GRID2: variants seen among roughly 807,000 people sequenced by gnomAD.
GRID2 encodes the protein glutamate ionotropic receptor delta type subunit 2.
In GRID2, 33 loss-of-function variants were observed where a neutral mutation model predicts 114.8. That is an observed-to-expected ratio of 0.29 (90% CI 0.22 to 0.38). The LOEUF (loss-of-function observed/expected upper bound fraction) is 0.38. Ranked by LOEUF, GRID2 falls within the 10% of genes least tolerant of loss-of-function variation. The probability of loss-of-function intolerance (pLI) is 1.00; values close to 1 mark genes in which losing one functional copy is unlikely to be tolerated. For missense variants in GRID2, 1,184 were observed against 1,257.7 expected (o/e 0.94, Z 0.89); for synonymous variants, 505 against 449.9 (o/e 1.12, Z -1.55).
intron 2 of GRID2, among the ~76,000 whole-genome samples, chr4:93,067,142 G>A (rs1728364144): frequency 6.6e-6 from 1 of 152,020 alleles, no homozygotes; most frequent in African/African-American, 2.4e-5. Flanking sequence ...ACTGAATTAT[G>A]ACAAGCCTTT....
intron 1 of GRID2, among the ~76,000 whole-genome samples, chr4:92,511,876 T>C (rs908521654): frequency 4.6e-5 from 7 of 151,874 alleles, no homozygotes; most frequent in African/African-American, 7.2e-5. Context: ...TGACATTAAT[T>C]GTATTTTTGT....
At chr4:92,730,299 C>T (rs1204218829) in intron 2 of GRID2, among the ~76,000 whole-genome samples, 2 of 151,912 alleles carry the variant, frequency 1.3e-5, no homozygotes, top group Non-Finnish European at 2.9e-5. Context: ...CAATGGTGAT[C>T]TCAGCTATTT....
intron 1 of GRID2, among the ~76,000 whole-genome samples, chr4:92,518,332 A>G (rs1724608933): frequency 2.0e-5 from 3 of 151,896 alleles, no homozygotes; most frequent in Non-Finnish European, 4.4e-5. Context: ...ATATACCTGC[A>G]CCAAGATCCA....
intron 14 of GRID2, among the ~76,000 whole-genome samples, chr4:93,765,608 T>TTATATATATATATATA (rs66550272): frequency 0.013 from 368 of 29,284 alleles, 1 homozygote; most frequent in African/African-American, 0.043. Flanking sequence ...AGGTGAGGTA[T>TTATATATATATATATA]TATATATATA....
At chr4:92,599,017 A>C (rs1198096122) in intron 2 of GRID2, among the ~76,000 whole-genome samples, 1 of 149,340 alleles carries the variant, frequency 6.7e-6, no homozygotes, top group African/African-American at 2.5e-5. Flanking sequence ...ATATATAATG[A>C]AATGCTTTTC....
At chr4:92,601,735 A>G (rs1214075987) in intron 2 of GRID2, among the ~76,000 whole-genome samples, 1 of 151,820 alleles carries the variant, frequency 6.6e-6, no homozygotes, top group Non-Finnish European at 1.5e-5. Context: ...TAAATCCAGG[A>G]TTTATTATTA....
intron 14 of GRID2, among the ~76,000 whole-genome samples, chr4:93,693,563 G>C (rs564570405): frequency 4.6e-5 from 7 of 152,266 alleles, no homozygotes; most frequent in African/African-American, 1.7e-4. Flanking sequence ...GTTTTTAGGA[G>C]AAAATATGCA....
chr4:92,496,975 C>A (rs1384874764), intron 1 of GRID2, among the ~76,000 whole-genome samples: 1 of 151,508 alleles, frequency 6.6e-6, no homozygotes, highest in East Asian at 1.9e-4. Flanking sequence ...CAGAGGGAAA[C>A]AAATAGTTAA....
chr4:92,999,255 T>C (rs1755396317), intron 2 of GRID2, among the ~76,000 whole-genome samples: 1 of 151,892 alleles, frequency 6.6e-6, no homozygotes, highest in African/African-American at 2.4e-5. Flanking sequence ...CATTTGTAAT[T>C]GCACCATGTA....
intron 2 of GRID2, among the ~76,000 whole-genome samples, chr4:92,896,047 A>T (rs967238785): frequency 6.6e-6 from 1 of 152,244 alleles, no homozygotes; most frequent in Non-Finnish European, 1.5e-5. Context: ...CTAAAAATGC[A>T]CTAAAAGCAC....
At chr4:92,561,862 A>G (rs1447834545) in intron 1 of GRID2, among the ~76,000 whole-genome samples, 1 of 152,184 alleles carries the variant, frequency 6.6e-6, no homozygotes, top group Non-Finnish European at 1.5e-5. Flanking sequence ...AAACTGTCTT[A>G]TCATTATTGT....
At position 92,805,187 on chromosome 4, in the gene GRID2, C is replaced by G. The variant is rs180675326; in HGVS notation, c.244+214901C>G. Among the ~76,000 whole-genome samples, 934 of 151,988 alleles carry G rather than the reference C, an allele frequency of 6.1e-3. 11 individuals carry two copies. The highest frequency in any genetic ancestry group is 0.021 in the African/African-American group (884 of 41,512). On this transcript the variant is annotated intron_variant, in intron 2 of 15. Transcript: ENST00000282020. ...ACTACTGCAGTGCAGCTTTTTACAA[C>G]GATATCGTTATTTCTCTTTTACCAA...
At chr4:93,687,093 G>A (rs958258677) in intron 14 of GRID2, among the ~76,000 whole-genome samples, 2 of 152,020 alleles carry the variant, frequency 1.3e-5, no homozygotes, top group Admixed American at 6.6e-5. Context: ...ACAGTGAGAA[G>A]TGTTCAGAGT....
At chr4:93,136,138 A>C (rs1298796501) in intron 4 of GRID2, among the ~76,000 whole-genome samples, 1 of 151,962 alleles carries the variant, frequency 6.6e-6, no homozygotes, top group Non-Finnish European at 1.5e-5. Flanking sequence ...AGCCTTTCCA[A>C]CGTCACACCA....
intron 2 of GRID2, among the ~76,000 whole-genome samples, chr4:93,028,510 C>T (rs557350895): frequency 1.5e-4 from 23 of 151,906 alleles, no homozygotes; most frequent in Non-Finnish European, 3.1e-4. Context: ...ATAAATCATG[C>T]GTGATTAGGC....
In GRID2 at chr4:93,727,902, G is replaced by A. The variant is rs573926356; in HGVS notation, c.2361-41308G>A. 1.2e-3 allele frequency among the ~76,000 whole-genome samples: 180 copies of A among 152,216 alleles called. 1 individual carries two copies. The highest frequency in any genetic ancestry group is 4.2e-3 in the African/African-American group (174 of 41,540). ...TTCTTCTTTATTAGTCTTGCTAGCA[G>A]TCTATCAATTTTGTTGATCCTTTCA... On this transcript the variant is annotated intron_variant, in intron 14 of 15. Coordinates refer to ENST00000282020, the MANE Select transcript of GRID2 (RefSeq NM_001510.4).
chr4:93,367,188 A>ATTTTTTTTTTTTTTTTTTTTTTTTTTTTT, intron 8 of GRID2, among the ~76,000 whole-genome samples: 1 of 123,842 alleles, frequency 8.1e-6, no homozygotes, highest in South Asian at 2.7e-4. Context: ...CTGTGGCTTT[A>ATTTTTTTTTTTTTTTTTTTTTTTTTTTTT]TTTTTTTTTT....
At chr4:93,603,125 G>A (rs553765280) in intron 13 of GRID2, among the ~76,000 whole-genome samples, 20 of 152,144 alleles carry the variant, frequency 1.3e-4, no homozygotes, top group Admixed American at 3.9e-4. Flanking sequence ...CAGGATAATC[G>A]CTTGAACTCA....
intron 1 of GRID2, among the ~76,000 whole-genome samples, chr4:92,504,797 A>T (rs941503014): frequency 2.6e-5 from 4 of 152,014 alleles, no homozygotes; most frequent in African/African-American, 9.7e-5. Flanking sequence ...TCTTGCTTTT[A>T]AACTGAAATT....
Sources: allele counts gnomAD v4.1 joint callset (sites outside exome capture counted in the v4.1 genomes callset), GRCh38; gene constraint gnomAD v4.1.1; transcripts MANE v1.5; gene names NCBI Gene and HGNC (gene_info 2026-07-23, HGNC 2026-07-21).